Variants in SLC25A15 observed in about 807,000 individuals in gnomAD.
The protein encoded by SLC25A15 is mitochondrial ornithine transporter 1.
In SLC25A15, 24 loss-of-function variants were observed where a neutral mutation model predicts 32.3. The observed-to-expected ratio is 0.74, with a 90% confidence interval of 0.54 to 1.04. The LOEUF (loss-of-function observed/expected upper bound fraction) is 1.04. Among genes scored for constraint, SLC25A15 ranks in the 50% least tolerant of loss-of-function variants. The probability of loss-of-function intolerance (pLI) is 0.00; values close to 1 mark genes in which losing one functional copy is unlikely to be tolerated. For synonymous variants in SLC25A15, 132 were observed against 142.1 expected, an observed-to-expected ratio of 0.93 and a Z score of 0.51; for missense variants, 317 against 374.5, an observed-to-expected ratio of 0.85 and a Z score of 1.27.
intron 3 of SLC25A15, among the ~76,000 whole-genome samples, chr13:40,801,314 GT>G (rs951651410): frequency 2.7e-5 from 4 of 148,106 alleles, no homozygotes; most frequent in Non-Finnish European, 3.0e-5. Flanking sequence ...GCTTGGGCCC[GT>G]TTTTTTTTTC....
At chr13:40,790,050 C>G (rs994922206) in intron 1 of SLC25A15, among the ~76,000 whole-genome samples, 3 of 152,162 alleles carry the variant, frequency 2.0e-5, no homozygotes, top group African/African-American at 4.8e-5. Context: ...AGTTGGAAGT[C>G]GTCTCCCTGA....
intron 1 of SLC25A15, among the ~76,000 whole-genome samples, chr13:40,791,064 G>A (rs1316820631): frequency 6.6e-6 from 1 of 151,918 alleles, no homozygotes; most frequent in Non-Finnish European, 1.5e-5. Flanking sequence ...GCCTCTGTCT[G>A]TCTGCTCAGT....
At position 40,810,896 on chromosome 13, in the gene SLC25A15, ACTGT is replaced by A. The variant is rs1279103741; in HGVS notation, c.*1233_*1236del. 1 of 533,642 alleles carries A rather than the reference ACTGT, an allele frequency of 1.9e-6. No homozygotes were observed. The allele number at this position is 533,642 out of a possible 1,614,324, so 33.1% of individuals were successfully genotyped here. On this transcript the variant is annotated 3_prime_UTR_variant, in exon 7 of 7. Coordinates refer to ENST00000338625, the MANE Select transcript of SLC25A15 (RefSeq NM_014252.4). ...GCCATCAATCCACTTTGGGCCACTC[ACTGT>A]CTGCTCTGCCTCCACCAATCAGAAA... is the stretch of plus-strand genomic sequence containing the variant.
intron 4 of SLC25A15, 26 bp from the exon 5 acceptor site, chr13:40,807,268 T>G (rs1486166597): frequency 3.1e-6 from 5 of 1,612,440 alleles, no homozygotes; most frequent in Non-Finnish European, 4.2e-6. Context: ...GCTGTAACCG[T>G]GCTATCTCTC....
chr13:40,809,455 A>C, intron 6 of SLC25A15, 88 bp from the exon 7 acceptor site: 1 of 1,527,448 alleles, frequency 6.5e-7, no homozygotes, highest in South Asian at 1.1e-5. Context: ...CTGGGTTTGC[A>C]TGTGTAAATA....
intron 2 of SLC25A15, 86 bp from the exon 3 acceptor site, chr13:40,798,971 G>A (rs1881767448): frequency 6.2e-7 from 1 of 1,611,892 alleles, no homozygotes; most frequent in Admixed American, 1.7e-5. Flanking sequence ...GCAGGGGTAA[G>A]TTCTGGGGTA....
intron 3 of SLC25A15, among the ~76,000 whole-genome samples, chr13:40,802,740 A>C (rs984075800): frequency 6.6e-6 from 1 of 151,906 alleles, no homozygotes; most frequent in Non-Finnish European, 1.5e-5. Flanking sequence ...ATGCCCAGCT[A>C]ATTTTTGTAT....
chr13:40,805,052 G>A lies in SLC25A15; in HGVS notation c.315-66G>A, dbSNP rs1263187433. On this transcript the variant is annotated intron_variant, in intron 3 of 6. Transcript: ENST00000338625. ...TACCCTGCTTTATCACCAAAGTGCT[G>A]TCTGTGTGGTGAGTGCCAAAGGAAT... 8.7e-6 allele frequency: 14 copies of A among 1,600,118 alleles called. No individual in the cohort carries two copies. The East Asian group carries it at 2.9e-4, about 33-fold the overall frequency.
chr13:40,807,064 G>A (rs778687139), intron 4 of SLC25A15, among the ~76,000 whole-genome samples: 63 of 152,164 alleles, frequency 4.1e-4, no homozygotes, highest in Non-Finnish European at 1.5e-4. Flanking sequence ...TAAGGGACTG[G>A]GCAATACAAT....
Position 40,799,074 on chromosome 13 carries a change from C to G in SLC25A15, c.73C>G (p.Leu25Val). The G allele has an allele frequency of 1.9e-6, 3 of 1,614,206 alleles. No individual in the cohort carries two copies. In the East Asian group the frequency reaches 6.7e-5, roughly 36 times the overall value. ...GATTGCAGGAGGTACAGCATGTGTA[C>G]TGACCGGGCAGCCCTTTGACACAAT... ...AGAAGGTACVLTGQPFDTMKV... is the reference protein window; with the variant it reads ...AGAAGGTACVVTGQPFDTMKV... The change falls in exon 3 of 7, where the codon CTG becomes GTG. Residue 25 changes from leucine (L) to valine (V), a missense_variant. By Grantham distance (32) the Leu-to-Val change is conservative. Transcript: ENST00000338625.
chr13:40,796,304 A>G (rs1881669030), intron 2 of SLC25A15, among the ~76,000 whole-genome samples: 2 of 152,170 alleles, frequency 1.3e-5, no homozygotes, highest in Non-Finnish European at 2.9e-5. Flanking sequence ...CCATTTCCCT[A>G]TCTGCAATGG....
intron 1 of SLC25A15, among the ~76,000 whole-genome samples, chr13:40,792,051 G>T (rs762544095): frequency 6.6e-6 from 1 of 152,144 alleles, no homozygotes; most frequent in African/African-American, 2.4e-5. Context: ...TACTAACACC[G>T]TTTGAAAACT....
In SLC25A15 at chr13:40,806,525, T is replaced by C. The variant is rs140034490; in HGVS notation, c.453-769T>C. Among the ~76,000 whole-genome samples, 12 of 152,336 alleles carry C rather than the reference T, an allele frequency of 7.9e-5. No individual in the cohort carries two copies. The East Asian group carries it at 2.3e-3, about 29-fold the overall frequency. On this transcript the variant is annotated intron_variant, in intron 4 of 6. Coordinates refer to ENST00000338625, the MANE Select transcript of SLC25A15 (RefSeq NM_014252.4). ...AGCTGGATTACTTTGTTACATTCCA[T>C]GTAGCAGTGCTGCAGGAAGGGCTGG...
In SLC25A15 at chr13:40,810,510, AAT is replaced by A. The variant is rs1441080513; in HGVS notation, c.*846_*847del. 6.6e-6 allele frequency among the ~76,000 whole-genome samples: 1 copy of A among 152,068 alleles called. No homozygotes were observed. The highest frequency in any genetic ancestry group is 1.9e-4 in the East Asian group (1 of 5,200). On this transcript the variant is annotated 3_prime_UTR_variant, in exon 7 of 7. Transcript: ENST00000338625. ...TGTTCATGGGGTGCTTGAAAACTAA[AAT>A]ATCCTTCTAGATTTGTAAGACAGTA...
intron 2 of SLC25A15, among the ~76,000 whole-genome samples, chr13:40,794,499 C>T (rs1881610815): frequency 6.6e-6 from 1 of 152,162 alleles, no homozygotes; most frequent in African/African-American, 2.4e-5. Flanking sequence ...GGAGGTGCTA[C>T]CTGTGATAAG....
chr13:40,811,738 C>G lies in SLC25A15; in HGVS notation c.*2071C>G, dbSNP rs757326840. On this transcript the variant is annotated 3_prime_UTR_variant, in exon 7 of 7. Coordinates refer to ENST00000338625, the MANE Select transcript of SLC25A15 (RefSeq NM_014252.4). ...CTCCCAATAAAGTGTTCCTAAGCAG[C>G]CTGTATACTGAGTGCAAGCAGGCTA... Among the ~76,000 whole-genome samples, 1 of 152,184 alleles carries G rather than the reference C, an allele frequency of 6.6e-6. No homozygotes were observed. The highest frequency in any genetic ancestry group is 1.5e-5 in the Non-Finnish European group (1 of 68,038).
At position 40,805,148 on chromosome 13, in the gene SLC25A15, C is replaced by G; in HGVS notation, c.345C>G (p.Phe115Leu). 1 of 1,614,172 alleles carries G rather than the reference C, an allele frequency of 6.2e-7. No individual in the cohort carries two copies. The highest frequency in any genetic ancestry group is 1.3e-5 in the African/African-American group (1 of 75,056). ...TGCAGAATGCAGCCGCCGGTTCCTT[C>G]GCCTCTGCCTTTGCTGCACTGGTGC... ...SDLQNAAAGSFASAFAALVLC... is the reference protein window; with the variant it reads ...SDLQNAAAGSLASAFAALVLC... Residue 115 changes from phenylalanine (F) to leucine (L), a missense_variant, in exon 4 of 7, where the codon TTC becomes TTG. Coordinates refer to ENST00000338625, the MANE Select transcript of SLC25A15 (RefSeq NM_014252.4).
Position 40,809,582 on chromosome 13 carries a change from T to G in SLC25A15, c.821T>G (p.Ile274Ser). 1 of 1,612,100 alleles carries G rather than the reference T, an allele frequency of 6.2e-7. No individual in the cohort carries two copies. Among genetic ancestry groups the G allele is most frequent in the Admixed American group, 1.7e-5 (1 of 60,006 alleles). Residue 274 changes from isoleucine (I) to serine (S), a missense_variant, in exon 7 of 7, where the codon ATT (isoleucine) becomes AGT (serine). Transcript: ENST00000338625. ...TATTCTGGACTGAAACCTACTATGA[T>G]TCGAGCATTCCCTGCCAATGGAGCA... ...ALYSGLKPTM[I>S]RAFPANGALF...
intron 2 of SLC25A15, among the ~76,000 whole-genome samples, chr13:40,794,375 A>G (rs1881607904): frequency 6.6e-6 from 1 of 151,098 alleles, no homozygotes; most frequent in Non-Finnish European, 1.5e-5. Flanking sequence ...TCTGAAAATG[A>G]GACTGATAAT....
Sources: gnomAD v4.1 joint callset for allele counts (sites outside exome capture counted in the v4.1 genomes callset) on GRCh38, gnomAD v4.1.1 for gene constraint, MANE v1.5 for transcripts, NCBI Gene and HGNC (gene_info 2026-07-23, HGNC 2026-07-21) for gene names.